Variants in PAEP observed in about 807,000 individuals in gnomAD.
The protein encoded by PAEP is progestagen associated endometrial protein.
In PAEP, 28 loss-of-function variants were observed where a neutral mutation model predicts 23.0. The ratio of observed to expected loss-of-function variants is 1.22; its 90% CI spans 0.90 to 1.67. The LOEUF (loss-of-function observed/expected upper bound fraction) is 1.67. PAEP is among the 40% of genes most tolerant of loss of function. PAEP has a pLI of 0.00. For missense variants in PAEP, 209 were observed against 226.4 expected, an observed-to-expected ratio of 0.92 and a Z score of 0.49; for synonymous variants, 103 against 92.4, an observed-to-expected ratio of 1.12 and a Z score of -0.66.
At position 135,564,321 on chromosome 9, in the gene PAEP, A is replaced by G. The variant is rs1350535956; in HGVS notation, c.388A>G (p.Thr130Ala). Reference protein sequence around the residue: ...FLFLCLQDTTTPIQSMMCQYL... With the variant: ...FLFLCLQDTTAPIQSMMCQYL... ...GTTTCTCTGCCTACAGGACACCACCACCCCCATCCAGAGCATGATGTGCCA... is the reference window on the plus strand; with the variant it reads ...GTTTCTCTGCCTACAGGACACCACCGCCCCCATCCAGAGCATGATGTGCCA... Residue 130 changes from threonine to alanine, a missense_variant, in exon 4 of 7, where the codon ACC becomes GCC. By Grantham distance (58) the Thr-to-Ala change is moderately conservative (BLOSUM62 0). Coordinates refer to ENST00000479141, the MANE Select transcript of PAEP (RefSeq NM_002571.4). 6.4e-6 allele frequency: 10 copies of G among 1,551,066 alleles called. No homozygotes were observed. The highest frequency in any genetic ancestry group is 8.7e-6 in the Non-Finnish European group (10 of 1,147,328).
At chr9:135,562,209 C>T in intron 1 of PAEP, 85 bp from the exon 2 acceptor site, 2 of 1,477,436 alleles carry the variant, frequency 1.4e-6, no homozygotes. Flanking sequence ...CTGTACCCAT[C>T]CCAGTTAGAC....
intron 5 of PAEP, 135 bp downstream of exon 5, chr9:135,565,649 G>A (rs1469409214): frequency 7.4e-7 from 1 of 1,342,974 alleles, no homozygotes; most frequent in Non-Finnish European, 1.1e-6. Context: ...CTGGCCTTCT[G>A]GGGTGCAGAG....
chr9:135,565,765 T>C lies in PAEP; in HGVS notation c.527-20T>C. The C allele has an allele frequency of 6.2e-7, 1 of 1,614,080 alleles. No homozygotes were observed. Among genetic ancestry groups the C allele is most frequent in the South Asian group, 1.1e-5 (1 of 91,082 alleles). ...TCTCTTCTCTCGCTGACACCTCCACTGTCCCATCTCCTCCCACAGAGCCGT... is the reference window on the plus strand; with the variant it reads ...TCTCTTCTCTCGCTGACACCTCCACCGTCCCATCTCCTCCCACAGAGCCGT... On this transcript the variant is annotated intron_variant, in intron 5 of 6. Transcript: ENST00000479141.
chr9:135,564,869 G>A (rs989923311), intron 4 of PAEP: 49 of 985,358 alleles, frequency 5.0e-5, no homozygotes, highest in Non-Finnish European at 5.8e-5. Flanking sequence ...TATAGGGCCA[G>A]TGGGACGGTC....
At chr9:135,562,996 TCC>T (rs747541555) in intron 3 of PAEP, 103 bp downstream of exon 3, 5 of 826,088 alleles carry the variant, frequency 6.1e-6, no homozygotes, top group Non-Finnish European at 1.0e-5. Context: ...GCCTGGCCTG[TCC>T]CCACTCTCTC....
rs1175101508 is a variant in PAEP at position 135,562,294 on chromosome 9, T to G, written c.97T>G (p.Leu33Val). 1.4e-5 allele frequency: 23 copies of G among 1,613,424 alleles called. No individual in the cohort carries two copies. The highest frequency in any genetic ancestry group is 1.9e-5 in the Non-Finnish European group (22 of 1,179,776). Reference protein sequence around the residue: ...QTKQDLELPKLAGTWHSMAMA... With the variant: ...QTKQDLELPKVAGTWHSMAMA... ...GCCGTGCAGCCCAAGGCCCCCTCAG[T>G]TGGCAGGGACCTGGCACTCCATGGC... The change falls in exon 2 of 7, where the codon TTG becomes GTG. Residue 33 changes from leucine (L) to valine (V), a missense_variant and splice_region_variant. Coordinates refer to ENST00000479141, the MANE Select transcript of PAEP (RefSeq NM_002571.4).
Position 135,561,862 on chromosome 9 carries a change from A to G in PAEP, c.61A>G (p.Ile21Val), listed in dbSNP as rs1194015124. 2 of 1,567,986 alleles carry G rather than the reference A, an allele frequency of 1.3e-6. No individual in the cohort carries two copies. Among genetic ancestry groups the G allele is most frequent in the Non-Finnish European group, 1.7e-6 (2 of 1,155,776 alleles). Residue 21 changes from isoleucine to valine, a missense_variant, in exon 1 of 7, where the codon ATC (isoleucine) becomes GTC (valine). Coordinates refer to ENST00000479141, the MANE Select transcript of PAEP (RefSeq NM_002571.4). ...GGTCTGTGGTGTCCCGGCCATGGAC[A>G]TCCCCCAGACCAAGCAGGACCTGGA... ...ALVCGVPAMD[I>V]PQTKQDLELP... is the part of the protein sequence containing the mutation.
In PAEP at chr9:135,564,738, A is replaced by G. The variant is rs1361236238; in HGVS notation, c.421+384A>G. ...CAGGCTGGTCTCCAACTCCTGGATC[A>G]AGTGATCCACCCGCCTTGGCCTCCC... On this transcript the variant is annotated intron_variant, in intron 4 of 6. Transcript: ENST00000479141. 8.9e-6 allele frequency: 8 copies of G among 897,054 alleles called. No individual in the cohort carries two copies. The East Asian group carries it at 7.1e-4, about 80-fold the overall frequency. 55.6% of individuals were successfully genotyped at this position (897,054 alleles called of 1,614,324 possible). A position where few individuals can be genotyped will look rare whatever the true frequency, so the allele number is the denominator to read the frequency against.
Position 135,566,568 on chromosome 9 carries a change from A to G in PAEP, c.*16A>G, listed in dbSNP as rs533015396. On this transcript the variant is annotated 3_prime_UTR_variant, in exon 7 of 7. Coordinates refer to ENST00000479141, the MANE Select transcript of PAEP (RefSeq NM_002571.4). ...AACCCAACAGCTCACCTCCGCCTCC[A>G]GGAAGACCAGACTCCCACCCTTCCA... The G allele has an allele frequency of 4.6e-4, 72 of 154,900 alleles. No individual in the cohort carries two copies. The highest frequency in any genetic ancestry group is 4.3e-3 in the East Asian group (22 of 5,168). The allele number at this position is 154,900 out of a possible 1,614,324, so 9.6% of individuals were successfully genotyped here. A position where few individuals can be genotyped will look rare whatever the true frequency, so the allele number is the denominator to read the frequency against.
intron 4 of PAEP, chr9:135,564,840 T>C (rs1832502466): frequency 2.0e-6 from 2 of 985,308 alleles, no homozygotes; most frequent in African/African-American, 1.7e-5. Flanking sequence ...TCGAGTCCTC[T>C]GACAAAGCAA....
chr9:135,562,812 C>T lies in PAEP; in HGVS notation c.237-8C>T, dbSNP rs756142254. 1.2e-6 allele frequency: 2 copies of T among 1,611,882 alleles called. No individual in the cohort carries two copies. Among genetic ancestry groups the T allele is most frequent in the African/African-American group, 1.3e-5 (1 of 74,880 alleles). On this transcript the variant is annotated splice_polypyrimidine_tract_variant and splice_region_variant and intron_variant, in intron 2 of 6. Coordinates refer to ENST00000479141, the MANE Select transcript of PAEP (RefSeq NM_002571.4). ...GTGGCCACTCATCCTATTGTCACCA[C>T]CTTTCAGGGAGAACAACAGCTGTGT...
chr9:135,564,132 G>C (rs1832463667), intron 3 of PAEP, 112 bp from the exon 4 acceptor site: 1 of 1,449,564 alleles, frequency 6.9e-7, no homozygotes, highest in Admixed American at 2.1e-5. Context: ...ACGTCCCATG[G>C]TGTCAGTGGA....
intron 3 of PAEP, 114 bp from the exon 4 acceptor site, chr9:135,564,130 T>A: frequency 6.9e-7 from 1 of 1,440,898 alleles, no homozygotes. Flanking sequence ...CCACGTCCCA[T>A]GGTGTCAGTG....
chr9:135,561,988 C>A, intron 1 of PAEP, 91 bp downstream of exon 1: 10 of 1,028,864 alleles, frequency 9.7e-6, no homozygotes, highest in Non-Finnish European at 1.5e-5. Flanking sequence ...TCTCAGAAAC[C>A]TACAGGAAGC....
chr9:135,563,600 C>CAGTTCTGGTCTTAGGCTG lies in PAEP; in HGVS notation c.311-642_311-641insTTCTGGTCTTAGGCTGAG, dbSNP rs1832437973. 2.0e-5 allele frequency among the ~76,000 whole-genome samples: 3 copies of CAGTTCTGGTCTTAGGCTG among 151,712 alleles called. No homozygotes were observed. In the South Asian group the frequency reaches 6.3e-4, roughly 32 times the overall value. ...CTGCCTCCTGCGCACTCTGGGGCTGCAGCTCTGGTCTTAGGCTGAGCTCCC... is the reference window on the plus strand; with the variant it reads ...CTGCCTCCTGCGCACTCTGGGGCTGCAGTTCTGGTCTTAGGCTGAGCTCTGGTCTTAGGCTGAGCTCCC... On this transcript the variant is annotated intron_variant, in intron 3 of 6. Coordinates refer to ENST00000479141, the MANE Select transcript of PAEP (RefSeq NM_002571.4).
chr9:135,564,396 G>C, intron 4 of PAEP, 42 bp downstream of exon 4: 1 of 1,545,976 alleles, frequency 6.5e-7, no homozygotes, highest in Non-Finnish European at 8.7e-7. Flanking sequence ...GTGAGAGGCA[G>C]CAGCTACGTC....
At chr9:135,564,757 G>T in intron 4 of PAEP, 1 of 959,400 alleles carries the variant, frequency 1.0e-6, no homozygotes, top group South Asian at 4.8e-5. Context: ...ACCCGCCTTG[G>T]CCTCCCAAAG....
intron 3 of PAEP, among the ~76,000 whole-genome samples, chr9:135,563,885 C>A (rs1832454050): frequency 6.6e-6 from 1 of 152,134 alleles, no homozygotes; most frequent in Admixed American, 6.5e-5. Context: ...CTCCAAGGTC[C>A]ATTTCTTCTC....
At chr9:135,564,580 T>G in intron 4 of PAEP, 1 of 753,734 alleles carries the variant, frequency 1.3e-6, no homozygotes, top group Non-Finnish European at 1.6e-6. Flanking sequence ...CTCGGCTCAC[T>G]GCAACTTCTG....
Sources: allele counts gnomAD v4.1 joint callset (sites outside exome capture counted in the v4.1 genomes callset), GRCh38; gene constraint gnomAD v4.1.1; transcripts MANE v1.5; gene names NCBI Gene and HGNC (gene_info 2026-07-23, HGNC 2026-07-21).